Variants in MYO18A observed in about 807,000 individuals in gnomAD.
MYO18A encodes the protein unconventional myosin-XVIIIa.
A neutral mutation model predicts 235.8 loss-of-function variants in MYO18A; 78 were observed. That is an observed-to-expected ratio of 0.33 (90% CI 0.28 to 0.40). MYO18A has a LOEUF of 0.40. MYO18A is among the 10% of genes least tolerant of loss of function. The pLI is 1.00. For synonymous variants in MYO18A, 977 were observed against 1,077.8 expected (o/e 0.91, Z 1.83); for missense variants, 2,215 against 2,699.3 (o/e 0.82, Z 3.98).
At chr17:29,103,551 A>AG in intron 21 of MYO18A, 48 bp downstream of exon 21, 1 of 1,587,258 alleles carries the variant, frequency 6.3e-7, no homozygotes, top group Non-Finnish European at 8.6e-7. Flanking sequence ...GCCACCTGAC[A>AG]GGGGCCCCTG....
In MYO18A at chr17:29,092,393, T is replaced by A; in HGVS notation, c.5137A>T (p.Ile1713Phe). Reference protein sequence around the residue: ...VKARKAMEVEIEDLHLQIDDI... With the variant: ...VKARKAMEVEFEDLHLQIDDI... The stretch of plus-strand genomic sequence containing the variant: ...TCAATCTGCAGGTGCAGGTCTTCGA[T>A]CTCCACCTCCATTGCTTTCCGTGCT... The change falls in exon 34 of 42, where the codon ATC becomes TTC. Residue 1713 changes from isoleucine (I) to phenylalanine (F), a missense_variant. Transcript: ENST00000527372. 1 of 1,612,570 alleles carries A rather than the reference T, an allele frequency of 6.2e-7. No individual in the cohort carries two copies.
intron 1 of MYO18A, among the ~76,000 whole-genome samples, chr17:29,171,188 G>A (rs1046665450): frequency 2.6e-5 from 4 of 152,128 alleles, no homozygotes; most frequent in African/African-American, 9.7e-5. Flanking sequence ...GTTGGCTCAC[G>A]CCTGTAATAC....
intron 28 of MYO18A, among the ~76,000 whole-genome samples, chr17:29,096,188 AC>A (rs2066514502): frequency 6.6e-6 from 1 of 152,156 alleles, no homozygotes. Context: ...AGAAATGGGC[AC>A]TGTTCCCGCT....
intron 37 of MYO18A, among the ~76,000 whole-genome samples, chr17:29,089,465 T>C (rs758549438): frequency 1.6e-4 from 8 of 48,720 alleles, no homozygotes; most frequent in Non-Finnish European, 4.3e-5. Context: ...GAAGAAAGAA[T>C]AGGATCATAA....
intron 2 of MYO18A, chr17:29,136,946 C>T (rs1300778437): frequency 6.6e-6 from 1 of 152,244 alleles, no homozygotes; most frequent in African/African-American, 2.4e-5. Flanking sequence ...CTCTGCAGGT[C>T]TACCCACCTC....
Position 29,087,060 on chromosome 17 carries a change from A to G in MYO18A, c.5588T>C (p.Ile1863Thr). The change falls in exon 38 of 42, where the codon ATT (isoleucine) becomes ACT (threonine). Residue 1863 changes from isoleucine to threonine, a missense_variant. By Grantham distance (89) the Ile-to-Thr change is moderately conservative. Transcript: ENST00000527372. ...TTCCTTCTCCCGGTTCTCGGCTGCA[A>G]TGCGCTGATCCCGCTCCTCAGTCAG... is the stretch of plus-strand genomic sequence containing the variant. Reference protein sequence around the residue: ...EKLTEERDQRIAAENREKEQN... With the variant: ...EKLTEERDQRTAAENREKEQN... 5 of 1,613,926 alleles carry G rather than the reference A, an allele frequency of 3.1e-6. No individual in the cohort carries two copies. The highest frequency in any genetic ancestry group is 4.2e-6 in the Non-Finnish European group (5 of 1,179,878).
chr17:29,110,387 G>C (rs537313204), intron 18 of MYO18A, 49 bp downstream of exon 18: 177 of 1,519,004 alleles, frequency 1.2e-4, no homozygotes, highest in Middle Eastern at 7.0e-4. Context: ...CCTACCAGGG[G>C]TAAGGAAGGG....
chr17:29,176,302 G>A (rs1296328481), intron 1 of MYO18A, among the ~76,000 whole-genome samples: 5 of 152,066 alleles, frequency 3.3e-5, no homozygotes, highest in Admixed American at 2.0e-4. Context: ...AGTGGCTTGG[G>A]GGACTTGGTT....
At chr17:29,167,783 A>G (rs2068315718) in intron 1 of MYO18A, among the ~76,000 whole-genome samples, 1 of 151,732 alleles carries the variant, frequency 6.6e-6, no homozygotes, top group African/African-American at 2.4e-5. Flanking sequence ...ATGTTCGTTT[A>G]AGCAACAGAC....
At chr17:29,086,642 G>T (rs1244181097) in intron 38 of MYO18A, 65 bp from the exon 39 acceptor site, 4 of 1,569,718 alleles carry the variant, frequency 2.5e-6, no homozygotes, top group Admixed American at 3.6e-5. Flanking sequence ...GCCAGAAGAA[G>T]CCTGCTTCAA....
At chr17:29,113,479 G>A (rs933039328) in intron 15 of MYO18A, among the ~76,000 whole-genome samples, 6 of 152,192 alleles carry the variant, frequency 3.9e-5, no homozygotes, top group African/African-American at 9.7e-5. Context: ...TGAGGGGTGA[G>A]GGTTCATATC....
rs572810249 is a variant in MYO18A, at chr17:29,126,082, G to A, written c.1000-3829C>T. On this transcript the variant is annotated intron_variant, in intron 2 of 41. Transcript: ENST00000527372. This position sits in a 1 kb window ranked among gnomAD's most constrained non-coding sequence, Gnocchi z 4.1. ...TAGGGAAGGGGAGCAGCGCCAGGGA[G>A]CAAGCCGCGCGGCAATCTGAGTTTT... 60 of 362,218 alleles carry A rather than the reference G, an allele frequency of 1.7e-4. No homozygotes were observed. Among genetic ancestry groups the A allele is most frequent in the African/African-American group, 9.9e-4 (45 of 45,580 alleles). The allele number at this position is 362,218 out of a possible 1,614,324, so 22.4% of individuals were successfully genotyped here. A position where few individuals can be genotyped will look rare whatever the true frequency, so the allele number is the denominator to read the frequency against.
At chr17:29,114,579 C>T (rs890413311) in intron 14 of MYO18A, among the ~76,000 whole-genome samples, 6 of 152,166 alleles carry the variant, frequency 3.9e-5, no homozygotes, top group African/African-American at 4.8e-5. Flanking sequence ...GGAAGGGAGA[C>T]GGGAAGGCCA....
chr17:29,089,842 T>G, intron 37 of MYO18A, 119 bp downstream of exon 37: 2 of 1,336,580 alleles, frequency 1.5e-6, no homozygotes, highest in East Asian at 2.5e-5. Flanking sequence ...GGCCTGGCAG[T>G]GAGGCACAGG....
At chr17:29,083,121 C>G (rs186848815) in intron 40 of MYO18A, among the ~76,000 whole-genome samples, 9 of 152,142 alleles carry the variant, frequency 5.9e-5, no homozygotes, top group Non-Finnish European at 7.4e-5. Flanking sequence ...GGACTAGCAA[C>G]AGTTTCAGTA....
intron 2 of MYO18A, among the ~76,000 whole-genome samples, chr17:29,154,101 AGT>A (rs61393170): frequency 0.016 from 2,363 of 150,092 alleles, 54 homozygotes; most frequent in African/African-American, 0.053. Context: ...AATTCTGCAG[AGT>A]GTGTGTGTGT....
chr17:29,119,642 C>T (rs2067152081), intron 7 of MYO18A, among the ~76,000 whole-genome samples: 1 of 150,822 alleles, frequency 6.6e-6, no homozygotes, highest in Admixed American at 6.6e-5. Flanking sequence ...TGGCTCACTG[C>T]AACTTCTGCC....
At chr17:29,133,840 G>A (rs968339311) in intron 2 of MYO18A, 11 of 1,289,198 alleles carry the variant, frequency 8.5e-6, no homozygotes, top group African/African-American at 6.1e-5. Flanking sequence ...AGGCCATGGC[G>A]CTGAAGGTAA....
intron 2 of MYO18A, chr17:29,128,318 C>A: frequency 8.1e-7 from 1 of 1,237,262 alleles, no homozygotes; most frequent in Admixed American, 2.7e-5. Context: ...AAGCTCCTCG[C>A]TGGGCAGCAC....
Sources: allele counts gnomAD v4.1 joint callset (sites outside exome capture counted in the v4.1 genomes callset), GRCh38; gene constraint gnomAD v4.1.1; non-coding constraint Gnocchi (gnomAD v3.1); transcripts MANE v1.5; gene names NCBI Gene and HGNC (gene_info 2026-07-23, HGNC 2026-07-21).